CSRNP3: variants seen among roughly 807,000 people sequenced by gnomAD.
CSRNP3 encodes the protein cysteine/serine-rich nuclear protein 3.
CSRNP3 carries 12 observed loss-of-function variants against 48.0 expected under a neutral mutation model. That is an observed-to-expected ratio of 0.25 (90% CI 0.16 to 0.41). The LOEUF is 0.41. Ranked by LOEUF, CSRNP3 falls within the 10% of genes least tolerant of loss-of-function variation. The pLI is 1.00. For synonymous variants in CSRNP3, 263 were observed against 269.7 expected (o/e 0.98, Z 0.24); for missense variants, 580 against 724.4 (o/e 0.80, Z 2.29).
Position 165,629,523 on chromosome 2 carries a change from T to A in CSRNP3, c.149-28238T>A, listed in dbSNP as rs949321043. ...CCAGGGGTACAGTTATGATGCCTTT[T>A]GTTGTTTTGTTTTGTTTTCTGTGAG... On this transcript the variant is annotated intron_variant, in intron 4 of 6. Transcript: ENST00000651982. Among the ~76,000 whole-genome samples, 21 of 152,190 alleles carry A rather than the reference T, an allele frequency of 1.4e-4. 1 individual carries two copies. Among genetic ancestry groups the A allele is most frequent in the Admixed American group, 2.6e-4 (4 of 15,284 alleles).
At chr2:165,527,005 G>C (rs1364667216) in intron 3 of CSRNP3, among the ~76,000 whole-genome samples, 1 of 151,980 alleles carries the variant, frequency 6.6e-6, no homozygotes, top group Admixed American at 6.6e-5. Context: ...GTAATAAAAT[G>C]GGAAACATTT....
rs774567924 is a variant in CSRNP3 at position 165,679,517 on chromosome 2, G to A, written c.1522G>A (p.Glu508Lys). The change falls in exon 7 of 7, where the codon GAA becomes AAA. Residue 508 changes from glutamate to lysine, a missense_variant. Coordinates refer to ENST00000651982, the MANE Select transcript of CSRNP3 (RefSeq NM_001172173.2). ...TGTAATCGTTTGCTGCTCCTCTTCC[G>A]AAAATGATAGCGGTGTGCCCTGCAA... Reference protein sequence around the residue: ...PSVIVCCSSSENDSGVPCNSL... With the variant: ...PSVIVCCSSSKNDSGVPCNSL... 5.3e-5 allele frequency: 85 copies of A among 1,613,488 alleles called. No homozygotes were observed. Among genetic ancestry groups the A allele is most frequent in the African/African-American group, 2.0e-4 (15 of 74,784 alleles).
intron 5 of CSRNP3, among the ~76,000 whole-genome samples, chr2:165,670,584 C>A (rs1384611974): frequency 6.6e-6 from 1 of 152,206 alleles, no homozygotes; most frequent in Non-Finnish European, 1.5e-5. Context: ...CATTCCTGTG[C>A]CTCATTTTCC....
At chr2:165,523,808 C>T (rs1450432483) in intron 3 of CSRNP3, among the ~76,000 whole-genome samples, 1 of 152,158 alleles carries the variant, frequency 6.6e-6, no homozygotes, top group Non-Finnish European at 1.5e-5. Flanking sequence ...GGTCAAACAA[C>T]ATGCCCACAA....
intron 4 of CSRNP3, among the ~76,000 whole-genome samples, chr2:165,610,096 G>A (rs989580562): frequency 4.6e-5 from 7 of 152,200 alleles, no homozygotes; most frequent in African/African-American, 1.4e-4. Flanking sequence ...CTTACTTAGC[G>A]CAATCTATGA....
chr2:165,565,344 C>A (rs1685283488), intron 3 of CSRNP3, among the ~76,000 whole-genome samples: 1 of 152,030 alleles, frequency 6.6e-6, no homozygotes, highest in African/African-American at 2.4e-5. Flanking sequence ...AGGCTAAGGG[C>A]TTTTCTTGAA....
chr2:165,530,866 A>C (rs933326018), intron 3 of CSRNP3, among the ~76,000 whole-genome samples: 1 of 152,106 alleles, frequency 6.6e-6, no homozygotes, highest in Non-Finnish European at 1.5e-5. Flanking sequence ...TATCTTTAAA[A>C]ATCAAAAGAA....
intron 3 of CSRNP3, among the ~76,000 whole-genome samples, chr2:165,538,472 C>G (rs1202979153): frequency 6.6e-6 from 1 of 151,868 alleles, no homozygotes; most frequent in Admixed American, 6.6e-5. Flanking sequence ...GGTGCGTATT[C>G]TATCCCATTT....
chr2:165,550,542 C>CT (rs747803278), intron 3 of CSRNP3, among the ~76,000 whole-genome samples: 2 of 152,282 alleles, frequency 1.3e-5, no homozygotes, highest in South Asian at 4.2e-4. Flanking sequence ...TAAATGTGAA[C>CT]TAAAATATGC....
chr2:165,655,444 T>C (rs1225472527), intron 4 of CSRNP3, among the ~76,000 whole-genome samples: 1 of 152,194 alleles, frequency 6.6e-6, no homozygotes, highest in Non-Finnish European at 1.5e-5. Context: ...AGATAATTCA[T>C]GTAAAGTTCC....
intron 1 of CSRNP3, among the ~76,000 whole-genome samples, chr2:165,491,996 A>G (rs535476972): frequency 1.1e-4 from 16 of 150,316 alleles, no homozygotes; most frequent in Non-Finnish European, 1.6e-4. Context: ...ATGGTCCTAG[A>G]TGAAATTAAG....
intron 4 of CSRNP3, among the ~76,000 whole-genome samples, chr2:165,624,297 C>G (rs1686391453): frequency 6.6e-6 from 1 of 152,050 alleles, no homozygotes; most frequent in Non-Finnish European, 1.5e-5. Context: ...TATATGCACC[C>G]CACACTGGTT....
chr2:165,550,821 T>C (rs941659243), intron 3 of CSRNP3, among the ~76,000 whole-genome samples: 6 of 152,154 alleles, frequency 3.9e-5, no homozygotes, highest in African/African-American at 1.4e-4. Context: ...CATCCCTCCT[T>C]GGGCAAGGAA....
intron 3 of CSRNP3, among the ~76,000 whole-genome samples, chr2:165,565,680 C>A (rs1574839883): frequency 6.6e-6 from 1 of 152,068 alleles, no homozygotes. Flanking sequence ...GGAAGCCAGC[C>A]ACTAGCATTA....
chr2:165,579,350 A>G (rs1685504058), intron 3 of CSRNP3, among the ~76,000 whole-genome samples: 1 of 152,186 alleles, frequency 6.6e-6, no homozygotes, highest in Non-Finnish European at 1.5e-5. Context: ...TTCCAACTAG[A>G]AGTACGGTCT....
intron 3 of CSRNP3, among the ~76,000 whole-genome samples, chr2:165,533,513 A>G (rs1684842281): frequency 6.6e-6 from 1 of 152,064 alleles, no homozygotes. Context: ...CTCCATGCTC[A>G]CATTGTGTGC....
chr2:165,471,894 G>C (rs1683899688), intron 1 of CSRNP3, among the ~76,000 whole-genome samples: 1 of 151,862 alleles, frequency 6.6e-6, no homozygotes, highest in Non-Finnish European at 1.5e-5. Flanking sequence ...ACAGTTAAGA[G>C]GTTACTGTCC....
chr2:165,571,417 C>G (rs908548590), intron 3 of CSRNP3, among the ~76,000 whole-genome samples: 3 of 151,698 alleles, frequency 2.0e-5, no homozygotes, highest in African/African-American at 7.3e-5. Flanking sequence ...ATCCAAATTC[C>G]ATTTTCAGTT....
At chr2:165,626,676 C>T (rs1027153158) in intron 4 of CSRNP3, among the ~76,000 whole-genome samples, 44 of 152,216 alleles carry the variant, frequency 2.9e-4, no homozygotes, top group African/African-American at 1.1e-3. Flanking sequence ...TGTTCTGCCA[C>T]CTTTCATGGC....
Sources: allele counts gnomAD v4.1 joint callset (sites outside exome capture counted in the v4.1 genomes callset), GRCh38; gene constraint gnomAD v4.1.1; transcripts MANE v1.5; gene names NCBI Gene and HGNC (gene_info 2026-07-23, HGNC 2026-07-21).